Variants in KATNAL1 observed in about 807,000 individuals in gnomAD.
KATNAL1 encodes the protein katanin catalytic subunit A1 like 1.
In KATNAL1, 32 loss-of-function variants were observed where a neutral mutation model predicts 55.2. The observed-to-expected ratio is 0.58, with a 90% confidence interval of 0.44 to 0.78. The LOEUF is 0.78. Among genes scored for constraint, KATNAL1 ranks in the 30% least tolerant of loss-of-function variants. The pLI is 0.00. For synonymous variants in KATNAL1, 193 were observed against 193.6 expected, an observed-to-expected ratio of 1.00 and a Z score of 0.02; for missense variants, 466 against 600.9, an observed-to-expected ratio of 0.78 and a Z score of 2.35.
chr13:30,210,339 AC>A lies in KATNAL1; in HGVS notation c.1250del (p.Gly417ValfsTer13), dbSNP rs1460365857. The A allele has an allele frequency of 5.0e-6, 8 of 1,604,992 alleles. No individual in the cohort carries two copies. The highest frequency in any genetic ancestry group is 6.8e-6 in the Non-Finnish European group (8 of 1,177,142). ...ACCTGCAAACATTAGTGATGTCAGC[AC>A]CAGAATAGCCCTCAATCTTCTCGGC... is the stretch of plus-strand genomic sequence containing the variant. The part of the protein sequence containing the change: ...DIAEKIEGYS[G>X]ADITNVCRDA... On this transcript the variant is annotated frameshift_variant, in exon 10 of 11. Transcript: ENST00000380615. LOFTEE classifies it high-confidence loss of function.
At chr13:30,300,249 C>T (rs1270158493) in intron 1 of KATNAL1, among the ~76,000 whole-genome samples, 6 of 152,176 alleles carry the variant, frequency 3.9e-5, no homozygotes, top group African/African-American at 9.7e-5. Context: ...ACTTACAATA[C>T]ATATGAGGCT....
rs567944829 is a variant in KATNAL1 at position 30,230,399 on chromosome 13, C to T, written c.1012+69G>A. On this transcript the variant is annotated intron_variant, in intron 8 of 10. Transcript: ENST00000380615. Reference sequence around the variant, plus strand: ...AACTCAGGCTGCCTTCTAATCCATCCATTGATTATGAGTTTACACAAAATA... The same window carrying T: ...AACTCAGGCTGCCTTCTAATCCATCTATTGATTATGAGTTTACACAAAATA... 120 of 1,389,872 alleles carry T rather than the reference C, an allele frequency of 8.6e-5. 1 individual carries two copies. The South Asian group carries it at 1.3e-3, about 15-fold the overall frequency. The allele number at this position is 1,389,872 out of a possible 1,614,324, so 86.1% of individuals were successfully genotyped here.
intron 3 of KATNAL1, among the ~76,000 whole-genome samples, chr13:30,270,624 GCT>G (rs1880263066): frequency 6.6e-6 from 1 of 151,782 alleles, no homozygotes; most frequent in African/African-American, 2.4e-5. Context: ...CCAACCCTGT[GCT>G]CTCTGAAACA....
intron 6 of KATNAL1, among the ~76,000 whole-genome samples, chr13:30,234,664 C>T (rs908999503): frequency 6.6e-6 from 1 of 152,172 alleles, no homozygotes; most frequent in Non-Finnish European, 1.5e-5. Flanking sequence ...CACAATTTTA[C>T]ACTCACACTC....
At chr13:30,242,765 A>T (rs1461087884) in intron 4 of KATNAL1, among the ~76,000 whole-genome samples, 2 of 152,178 alleles carry the variant, frequency 1.3e-5, no homozygotes, top group African/African-American at 4.8e-5. Context: ...AAAGTTTCTC[A>T]GTGGTACACA....
chr13:30,290,753 C>T (rs987619410), intron 1 of KATNAL1, among the ~76,000 whole-genome samples: 5 of 151,908 alleles, frequency 3.3e-5, no homozygotes, highest in Admixed American at 1.3e-4. Flanking sequence ...GACCCAGTGA[C>T]GAAATAGATA....
In KATNAL1 at chr13:30,230,854, G is replaced by C. The variant is rs116302138; in HGVS notation, c.886-260C>G. Among the ~76,000 whole-genome samples the C allele has an allele frequency of 9.6e-3, 1,466 of 152,186 alleles. 26 individuals carry two copies. The highest frequency in any genetic ancestry group is 0.033 in the African/African-American group (1,373 of 41,516). On this transcript the variant is annotated intron_variant, in intron 7 of 10. Coordinates refer to ENST00000380615, the MANE Select transcript of KATNAL1 (RefSeq NM_032116.5). Reference sequence around the variant, plus strand: ...ACTATGCTTTCTACTTTCATATCTGGAAATTTCCATAATGGAAAAATTTTT... The same window carrying C: ...ACTATGCTTTCTACTTTCATATCTGCAAATTTCCATAATGGAAAAATTTTT...
At position 30,307,325 on chromosome 13, in the gene KATNAL1, C is replaced by A; in HGVS notation, c.-15+6G>T. 6.5e-6 allele frequency: 1 copy of A among 153,302 alleles called. No individual in the cohort carries two copies. The highest frequency in any genetic ancestry group is 1.8e-4 in the South Asian group (1 of 5,420). 9.5% of individuals were successfully genotyped at this position (153,302 alleles called of 1,614,324 possible). On this transcript the variant is annotated splice_donor_region_variant and intron_variant, in intron 1 of 10. Transcript: ENST00000380615. ...CGCCCTCGCCCCTTTCTCTCGGATT[C>A]ATTACCCAGAAGGCGCAGGTCCGGG...
At chr13:30,250,954 C>G (rs1045046677) in intron 4 of KATNAL1, among the ~76,000 whole-genome samples, 1 of 151,980 alleles carries the variant, frequency 6.6e-6, no homozygotes, top group Admixed American at 6.6e-5. Context: ...CTGGATAACA[C>G]GGTGAAACCC....
At chr13:30,300,513 T>A (rs1205040019) in intron 1 of KATNAL1, among the ~76,000 whole-genome samples, 2 of 151,638 alleles carry the variant, frequency 1.3e-5, no homozygotes, top group South Asian at 2.1e-4. Context: ...AGGCTTTACA[T>A]GCTTAATGAA....
rs11843164 is a variant in KATNAL1, at chr13:30,240,378, C to T, written c.726+82G>A. 698 of 960,208 alleles carry T rather than the reference C, an allele frequency of 7.3e-4. 4 individuals carry two copies. In the African/African-American group the frequency reaches 0.01, roughly 14 times the overall value. The allele number at this position is 960,208 out of a possible 1,614,324, so 59.5% of individuals were successfully genotyped here. ...CAACCTTTTCAAAATGGGTTAAATA[C>T]ATCAAAAACTACAGCAATGCTGCCT... On this transcript the variant is annotated intron_variant, in intron 6 of 10. Coordinates refer to ENST00000380615, the MANE Select transcript of KATNAL1 (RefSeq NM_032116.5).
At chr13:30,209,329 C>A (rs1873438769) in intron 10 of KATNAL1, among the ~76,000 whole-genome samples, 2 of 152,166 alleles carry the variant, frequency 1.3e-5, no homozygotes, top group African/African-American at 4.8e-5. Context: ...AATTCATAAT[C>A]ACAAAAAAGC....
At chr13:30,266,069 C>T (rs1879761088) in intron 3 of KATNAL1, among the ~76,000 whole-genome samples, 1 of 148,946 alleles carries the variant, frequency 6.7e-6, no homozygotes. Flanking sequence ...GGCTGGAGTG[C>T]AGTGGCCCAC....
intron 4 of KATNAL1, among the ~76,000 whole-genome samples, chr13:30,242,545 G>T (rs1413536114): frequency 6.6e-6 from 1 of 152,162 alleles, no homozygotes; most frequent in East Asian, 1.9e-4. Context: ...CATAAACTGT[G>T]AAGTGCTGTG....
intron 3 of KATNAL1, among the ~76,000 whole-genome samples, chr13:30,262,584 T>A (rs199696191): frequency 2.0e-5 from 3 of 152,054 alleles, no homozygotes; most frequent in African/African-American, 7.3e-5. Context: ...GAGAATACTA[T>A]AAACACCTCT....
At chr13:30,249,727 G>A (rs2137447405) in intron 4 of KATNAL1, among the ~76,000 whole-genome samples, 1 of 152,256 alleles carries the variant, frequency 6.6e-6, no homozygotes, top group African/African-American at 2.4e-5. Context: ...AGAGGTAAGT[G>A]GCAAGGATTG....
chr13:30,251,494 G>A (rs1878313333), intron 4 of KATNAL1, among the ~76,000 whole-genome samples: 1 of 152,234 alleles, frequency 6.6e-6, no homozygotes, highest in South Asian at 2.1e-4. Context: ...GATTCCCAAG[G>A]GAGCCTGTTG....
At chr13:30,228,281 G>C (rs1230235296) in intron 8 of KATNAL1, among the ~76,000 whole-genome samples, 1 of 151,994 alleles carries the variant, frequency 6.6e-6, no homozygotes, top group Non-Finnish European at 1.5e-5. Flanking sequence ...TTCTAGTCTA[G>C]CATAATAAAG....
chr13:30,236,624 T>C (rs1207820961), intron 6 of KATNAL1, among the ~76,000 whole-genome samples: 1 of 152,162 alleles, frequency 6.6e-6, no homozygotes, highest in Non-Finnish European at 1.5e-5. Flanking sequence ...CCCCAACCTG[T>C]CCTCCATACT....
Sources: allele counts gnomAD v4.1 joint callset (sites outside exome capture counted in the v4.1 genomes callset), GRCh38; gene constraint gnomAD v4.1.1; transcripts MANE v1.5; gene names NCBI Gene and HGNC (gene_info 2026-07-23, HGNC 2026-07-21).